ZMAT4: variants seen among roughly 807,000 people sequenced by gnomAD.
ZMAT4 encodes zinc finger matrin-type 4, also known as zinc finger matrin-type protein 4.
Under a neutral mutation model 28.7 loss-of-function variants are expected in ZMAT4, and 17 were observed. That is an observed-to-expected ratio of 0.59 (90% confidence interval 0.41 to 0.89). The LOEUF is 0.89. Among genes scored for constraint, ZMAT4 ranks in the 40% least tolerant of loss-of-function variants. ZMAT4 has a pLI of 0.00. For missense variants in ZMAT4, 240 were observed against 283.8 expected, an observed-to-expected ratio of 0.85 and a Z score of 1.11; for synonymous variants, 117 against 109.2, an observed-to-expected ratio of 1.07 and a Z score of -0.44.
intron 5 of ZMAT4, among the ~76,000 whole-genome samples, chr8:40,640,050 C>T (rs1806952204): frequency 3.3e-5 from 5 of 152,078 alleles, no homozygotes; most frequent in Admixed American, 3.3e-4. Flanking sequence ...GATCATAGTT[C>T]ACTGTAGCCT....
intron 3 of ZMAT4, among the ~76,000 whole-genome samples, chr8:40,711,192 GATAAA>G (rs1810601759): frequency 6.6e-6 from 1 of 152,194 alleles, no homozygotes; most frequent in African/African-American, 2.4e-5. Context: ...ATTAGACACT[GATAAA>G]AGAAAAGAAT....
At chr8:40,632,872 G>T (rs1806647448) in intron 5 of ZMAT4, among the ~76,000 whole-genome samples, 2 of 152,180 alleles carry the variant, frequency 1.3e-5, no homozygotes, top group South Asian at 4.2e-4. Context: ...TTTCTCACAT[G>T]TACACAGATG....
intron 5 of ZMAT4, among the ~76,000 whole-genome samples, chr8:40,662,684 CA>C (rs1210520869): frequency 6.6e-6 from 1 of 152,164 alleles, no homozygotes; most frequent in Non-Finnish European, 1.5e-5. Context: ...GAATGTTCAT[CA>C]ATTACATTTC....
intron 2 of ZMAT4, among the ~76,000 whole-genome samples, chr8:40,794,506 G>A (rs1263919861): frequency 6.6e-6 from 1 of 152,204 alleles, no homozygotes; most frequent in Non-Finnish European, 1.5e-5. Context: ...TTCTCTATCA[G>A]CCTTCTTCCG....
intron 6 of ZMAT4, among the ~76,000 whole-genome samples, chr8:40,545,130 A>C (rs1222388318): frequency 6.6e-6 from 1 of 152,128 alleles, no homozygotes; most frequent in Non-Finnish European, 1.5e-5. Flanking sequence ...CCTCATTCCA[A>C]CAACCCACAA....
At chr8:40,682,035 T>G (rs542165521) in intron 4 of ZMAT4, among the ~76,000 whole-genome samples, 1 of 152,186 alleles carries the variant, frequency 6.6e-6, no homozygotes, top group Non-Finnish European at 1.5e-5. Flanking sequence ...ACTACTACTA[T>G]TACTATATAT....
At chr8:40,616,670 T>G (rs910583657) in intron 5 of ZMAT4, among the ~76,000 whole-genome samples, 5 of 151,908 alleles carry the variant, frequency 3.3e-5, no homozygotes, top group Non-Finnish European at 5.9e-5. Context: ...CTCACTCATA[T>G]GTGGGAATTG....
intron 3 of ZMAT4, among the ~76,000 whole-genome samples, chr8:40,736,035 T>C (rs1811747003): frequency 1.3e-5 from 2 of 152,206 alleles, no homozygotes; most frequent in African/African-American, 4.8e-5. Flanking sequence ...AATGTCTCAG[T>C]AGATGCAGTA....
At chr8:40,707,469 C>T (rs2150504351) in intron 3 of ZMAT4, among the ~76,000 whole-genome samples, 1 of 152,216 alleles carries the variant, frequency 6.6e-6, no homozygotes, top group East Asian at 1.9e-4. Flanking sequence ...TCCTCTGTCA[C>T]ATGGGGAGTA....
intron 5 of ZMAT4, among the ~76,000 whole-genome samples, chr8:40,620,851 T>C (rs1372219871): frequency 1.3e-5 from 2 of 152,234 alleles, no homozygotes; most frequent in Admixed American, 6.5e-5. Flanking sequence ...GCAAGCCTTG[T>C]TGTGGCTCAA....
At chr8:40,616,660 C>G (rs1160714673) in intron 5 of ZMAT4, among the ~76,000 whole-genome samples, 6 of 152,036 alleles carry the variant, frequency 3.9e-5, no homozygotes, top group Non-Finnish European at 5.9e-5. Context: ...ACTGCATGTT[C>G]TCACTCATAT....
At chr8:40,622,556 T>G (rs1210288178) in intron 5 of ZMAT4, among the ~76,000 whole-genome samples, 1 of 152,258 alleles carries the variant, frequency 6.6e-6, no homozygotes, top group African/African-American at 2.4e-5. Context: ...TATCTTTGTT[T>G]GTTTGCACTG....
intron 5 of ZMAT4, among the ~76,000 whole-genome samples, chr8:40,601,647 A>G (rs1805374897): frequency 7.1e-5 from 2 of 28,334 alleles, no homozygotes; most frequent in East Asian, 1.6e-3. Context: ...AAAGAAAGAA[A>G]GAAAGAAAGA....
At chr8:40,845,097 G>A (rs753616186) in intron 1 of ZMAT4, among the ~76,000 whole-genome samples, 2 of 152,150 alleles carry the variant, frequency 1.3e-5, no homozygotes, top group Non-Finnish European at 2.9e-5. Context: ...GGTGCCGAGC[G>A]AGTCTCTGGG....
chr8:40,581,330 TC>T, intron 5 of ZMAT4, 69 bp from the exon 6 acceptor site: 2 of 1,340,958 alleles, frequency 1.5e-6, no homozygotes, highest in Non-Finnish European at 2.1e-6. Context: ...TCCTAGCATC[TC>T]CAGAAGTTCA....
chr8:40,729,597 C>CTTTT (rs71546305), intron 3 of ZMAT4, among the ~76,000 whole-genome samples: 1 of 142,400 alleles, frequency 7.0e-6, no homozygotes, highest in African/African-American at 2.7e-5. Context: ...TTCTTTCTTT[C>CTTTT]TTTTTTTTTT....
At chr8:40,632,873 T>C (rs1806647594) in intron 5 of ZMAT4, among the ~76,000 whole-genome samples, 1 of 152,234 alleles carries the variant, frequency 6.6e-6, no homozygotes, top group Admixed American at 6.5e-5. Flanking sequence ...TTCTCACATG[T>C]ACACAGATGT....
At chr8:40,804,899 G>A (rs1014175054) in intron 2 of ZMAT4, among the ~76,000 whole-genome samples, 1 of 151,600 alleles carries the variant, frequency 6.6e-6, no homozygotes, top group African/African-American at 2.4e-5. Flanking sequence ...CTGAGTAGTA[G>A]GCTCAGATAT....
rs555419352 is a variant in ZMAT4 at position 40,738,083 on chromosome 8, G to C, written c.192+29558C>G. Among the ~76,000 whole-genome samples the C allele has an allele frequency of 2.0e-5, 3 of 152,278 alleles. No individual in the cohort carries two copies. In the East Asian group the frequency reaches 5.8e-4, roughly 29 times the overall value. On this transcript the variant is annotated intron_variant, in intron 3 of 6. Transcript: ENST00000297737. ...GGAAGGGACGGGGGATATGGATGAG[G>C]TAAAGAATGAGTCCCAAGAATCAGG...
Sources: allele counts gnomAD v4.1 joint callset (sites outside exome capture counted in the v4.1 genomes callset), GRCh38; gene constraint gnomAD v4.1.1; transcripts MANE v1.5; gene names NCBI Gene and HGNC (gene_info 2026-07-23, HGNC 2026-07-21).